NOP9: variants seen among roughly 807,000 people sequenced by gnomAD.
NOP9 encodes nucleolar protein 9.
NOP9 carries 50 observed loss-of-function variants against 63.0 expected under a neutral mutation model. That is an observed-to-expected ratio of 0.79 (90% CI 0.63 to 1.00). NOP9 has a LOEUF of 1.00. NOP9 is among the 50% of genes least tolerant of loss of function. The pLI is 0.00. For missense variants in NOP9, 758 were observed against 803.0 expected, an observed-to-expected ratio of 0.94 and a Z score of 0.68; for synonymous variants, 343 against 332.8, an observed-to-expected ratio of 1.03 and a Z score of -0.33.
chr14:24,291,503 G>A, the NOP9 span: 8 of 1,562,680 alleles, frequency 5.1e-6, no homozygotes, highest in Non-Finnish European at 7.1e-6. Flanking sequence ...GGATGCTACC[G>A]CACTACACAT....
rs1378149694 is a variant in NOP9, at chr14:24,308,208, T to C, written c.*3113T>C. On this transcript the variant is annotated 3_prime_UTR_variant, in exon 10 of 10. Coordinates refer to ENST00000267425, the MANE Select transcript of NOP9 (RefSeq NM_174913.3). ...TTTTTTTATTTCTATGGAGGGAATTTCTGGGGACGGTTTCTGGCTCTCAGG... is the reference window on the plus strand; with the variant it reads ...TTTTTTTATTTCTATGGAGGGAATTCCTGGGGACGGTTTCTGGCTCTCAGG... The C allele has an allele frequency of 6.5e-6, 2 of 309,062 alleles. No individual in the cohort carries two copies. The highest frequency in any genetic ancestry group is 6.2e-6 in the Non-Finnish European group (1 of 161,168). The allele number at this position is 309,062 out of a possible 1,614,324, so 19.1% of individuals were successfully genotyped here. A position where few individuals can be genotyped will look rare whatever the true frequency, so the allele number is the denominator to read the frequency against.
chr14:24,305,904 C>T lies in NOP9; in HGVS notation c.*809C>T, dbSNP rs1413079862. 1 of 1,595,164 alleles carries T rather than the reference C, an allele frequency of 6.3e-7. No individual in the cohort carries two copies. The highest frequency in any genetic ancestry group is 1.3e-5 in the African/African-American group (1 of 74,612). ...CAAGAGGACGAATTATGGGGACTAT[C>T]CAACTGTAGGGGATGGGGCAGTATG... is the stretch of plus-strand genomic sequence containing the variant. On this transcript the variant is annotated 3_prime_UTR_variant, in exon 10 of 10. Transcript: ENST00000267425.
chr14:24,286,557 G>C, the NOP9 span, among the ~76,000 whole-genome samples: 2 of 151,944 alleles, frequency 1.3e-5, no homozygotes, highest in African/African-American at 4.8e-5. Flanking sequence ...ACCTCACTCT[G>C]TCCTTTCTTT....
intron 6 of NOP9, 36 bp downstream of exon 6, chr14:24,303,250 C>T (rs2041409784): frequency 6.2e-7 from 1 of 1,612,926 alleles, no homozygotes; most frequent in East Asian, 2.2e-5. Context: ...TTTATGCCCT[C>T]AGTTCAACTT....
the NOP9 span, among the ~76,000 whole-genome samples, chr14:24,288,389 A>G: frequency 0.4 from 60,667 of 151,674 alleles, 13,255 homozygotes; most frequent in Middle Eastern, 0.58. Context: ...TCACACTGTC[A>G]CCCAGGCTGG....
chr14:24,276,490 A>G, the NOP9 span, among the ~76,000 whole-genome samples: 2 of 152,056 alleles, frequency 1.3e-5, no homozygotes, highest in African/African-American at 2.4e-5. Context: ...GGATCTTTCT[A>G]TATTGCCCAG....
In NOP9 at chr14:24,304,310, C is replaced by A. The variant is rs1258317461; in HGVS notation, c.1647+33C>A. 3.2e-6 allele frequency: 5 copies of A among 1,551,074 alleles called. No homozygotes were observed. In the African/African-American group the frequency reaches 6.8e-5, roughly 21 times the overall value. The stretch of plus-strand genomic sequence containing the variant: ...TTCTGGCTTTTGCCTTGATTCCCCA[C>A]CATCATCCATTTAGAGAATATGAGC... On this transcript the variant is annotated intron_variant, in intron 8 of 9. Transcript: ENST00000267425.
chr14:24,291,034 C>T, the NOP9 span: 57 of 1,613,434 alleles, frequency 3.5e-5, no homozygotes, highest in Non-Finnish European at 4.6e-5. Context: ...ATTCTCATTT[C>T]CCACTCCTCA....
the NOP9 span, among the ~76,000 whole-genome samples, chr14:24,275,016 G>T: frequency 1.1e-4 from 16 of 143,820 alleles, no homozygotes; most frequent in African/African-American, 4.1e-4. Context: ...GGGTTCAAGC[G>T]ATTCTCCTGC....
rs762075171 is a variant in NOP9 at position 24,300,542 on chromosome 14, GCT to G, written c.385_386del (p.Leu129AlafsTer3). Reference sequence around the variant, plus strand: ...GAAACCGCTTTGTCGCGTGTGGGCTGCTCTGCGCTCTAACTTGCGCACTGTGG... The same window carrying G: ...GAAACCGCTTTGTCGCGTGTGGGCTGCTGCGCTCTAACTTGCGCACTGTGG... The part of the protein sequence containing the change: ...PLKPLCRVWA[A>X]LRSNLRTVAC... On this transcript the variant is annotated frameshift_variant, in exon 2 of 10. Coordinates refer to ENST00000267425, the MANE Select transcript of NOP9 (RefSeq NM_174913.3). LOFTEE classifies it high-confidence loss of function. The G allele has an allele frequency of 6.2e-7, 1 of 1,614,250 alleles. No homozygotes were observed. The highest frequency in any genetic ancestry group is 1.7e-5 in the Admixed American group (1 of 60,030).
the NOP9 span, among the ~76,000 whole-genome samples, chr14:24,278,065 C>T: frequency 6.6e-6 from 1 of 152,178 alleles, no homozygotes; most frequent in Non-Finnish European, 1.5e-5. Context: ...CAGGGACTTC[C>T]TCTGCCCCCA....
the NOP9 span, among the ~76,000 whole-genome samples, chr14:24,287,738 G>A: frequency 6.6e-5 from 10 of 152,242 alleles, no homozygotes; most frequent in Non-Finnish European, 1.3e-4. Context: ...TATGTGTCTG[G>A]TTAGTCTCGC....
the NOP9 span, among the ~76,000 whole-genome samples, chr14:24,279,679 A>G: frequency 3.9e-3 from 589 of 152,350 alleles, 3 homozygotes; most frequent in African/African-American, 0.014. Context: ...GACAGGAGCC[A>G]GGCACTGCAT....
Position 24,301,810 on chromosome 14 carries a change from CTCT to C in NOP9, c.808+93_808+95del, listed in dbSNP as rs1263744296. The C allele has an allele frequency of 5.3e-6, 8 of 1,514,312 alleles. No homozygotes were observed. In the East Asian group the frequency reaches 9.1e-5, roughly 17 times the overall value. The allele number at this position is 1,514,312 out of a possible 1,614,324, so 93.8% of individuals were successfully genotyped here. A position where few individuals can be genotyped will look rare whatever the true frequency, so the allele number is the denominator to read the frequency against. On this transcript the variant is annotated intron_variant, in intron 3 of 9. Transcript: ENST00000267425. ...GCAAGGCCCTTACCTCAGGTTATTC[CTCT>C]TCTTTTCAAACCTGGTCTGGTTTGA...
the NOP9 span, among the ~76,000 whole-genome samples, chr14:24,282,583 G>T: frequency 6.6e-6 from 1 of 152,090 alleles, no homozygotes; most frequent in Non-Finnish European, 1.5e-5. Flanking sequence ...GTCTGTTCTG[G>T]CTTTGCGCGT....
chr14:24,280,807 A>G, the NOP9 span, among the ~76,000 whole-genome samples: 1 of 152,160 alleles, frequency 6.6e-6, no homozygotes, highest in Non-Finnish European at 1.5e-5. Flanking sequence ...ATGAATGAAT[A>G]AATGGTGAGC....
the NOP9 span, among the ~76,000 whole-genome samples, chr14:24,283,583 T>C: frequency 6.6e-6 from 1 of 152,166 alleles, no homozygotes. Context: ...CAGCTCACGC[T>C]ACAGAGTGAG....
the NOP9 span, among the ~76,000 whole-genome samples, chr14:24,273,115 T>G: frequency 6.6e-6 from 1 of 152,098 alleles, no homozygotes; most frequent in Non-Finnish European, 1.5e-5. Context: ...TTGCGAATAG[T>G]GTGTCCATGT....
At position 24,300,863 on chromosome 14, in the gene NOP9, T is replaced by C. The variant is rs371135769; in HGVS notation, c.697+6T>C. On this transcript the variant is annotated splice_donor_region_variant and intron_variant, in intron 2 of 9. Transcript: ENST00000267425. ...CCGTGGTTCCCAATCATCTGGTAAG[T>C]ATTACAAGAGGAAAGTGGACCTAGG... 2 of 1,602,586 alleles carry C rather than the reference T, an allele frequency of 1.2e-6. No individual in the cohort carries two copies. The highest frequency in any genetic ancestry group is 1.7e-6 in the Non-Finnish European group (2 of 1,172,554).
Sources: allele counts gnomAD v4.1 joint callset (sites outside exome capture counted in the v4.1 genomes callset), GRCh38; gene constraint gnomAD v4.1.1; transcripts MANE v1.5; gene names NCBI Gene and HGNC (gene_info 2026-07-23, HGNC 2026-07-21).